VPS8: variants seen among roughly 807,000 people sequenced by gnomAD.
VPS8 encodes the protein vacuolar protein sorting-associated protein 8 homolog.
VPS8 carries 129 observed loss-of-function variants against 216.4 expected under a neutral mutation model. That is an observed-to-expected ratio of 0.60 (90% confidence interval 0.52 to 0.69). VPS8 has a LOEUF of 0.69. Among genes scored for constraint, VPS8 ranks in the 30% least tolerant of loss-of-function variants. The probability of loss-of-function intolerance (pLI) is 0.00; values close to 1 mark genes in which losing one functional copy is unlikely to be tolerated. For missense variants in VPS8, 1,531 were observed against 1,683.5 expected (o/e 0.91, Z 1.59); for synonymous variants, 571 against 565.4 (o/e 1.01, Z -0.14).
At chr3:184,814,483 A>T (rs1358068687) in intron 1 of VPS8, among the ~76,000 whole-genome samples, 1 of 152,220 alleles carries the variant, frequency 6.6e-6, no homozygotes, top group Non-Finnish European at 1.5e-5. Context: ...ACACACCTAG[A>T]CTATGTGGGA....
chr3:184,930,628 T>C lies in VPS8; in HGVS notation c.2898+60T>C. On this transcript the variant is annotated intron_variant, in intron 34 of 47. Transcript: ENST00000625842. ...GAACGATCATCTAACCCAAGTTAAC[T>C]TTATGCCAACGAAGCAATGGCATGT... 3.8e-6 allele frequency: 5 copies of C among 1,302,188 alleles called. No homozygotes were observed. The Admixed American group carries it at 6.9e-5, about 18-fold the overall frequency. 80.7% of individuals were successfully genotyped at this position (1,302,188 alleles called of 1,614,324 possible).
intron 11 of VPS8, among the ~76,000 whole-genome samples, 195 bp downstream of exon 11, chr3:184,852,762 A>G (rs747642856): frequency 2.0e-5 from 3 of 152,176 alleles, no homozygotes; most frequent in Non-Finnish European, 2.9e-5. Context: ...GTTTTATCTC[A>G]GTAGGTCTGA....
In VPS8 at chr3:184,916,149, G is replaced by A. The variant is rs1052701054; in HGVS notation, c.2382+675G>A. On this transcript the variant is annotated intron_variant, in intron 28 of 47. Transcript: ENST00000625842. ...GGTAGTGATGATAGTAAAAATAGCTGGAGTCGAAATGGAACGCGGAAGCTT... is the reference window on the plus strand; with the variant it reads ...GGTAGTGATGATAGTAAAAATAGCTAGAGTCGAAATGGAACGCGGAAGCTT... Among the ~76,000 whole-genome samples, 4 of 152,142 alleles carry A rather than the reference G, an allele frequency of 2.6e-5. 1 individual carries two copies. Among genetic ancestry groups the A allele is most frequent in the Non-Finnish European group, 5.9e-5 (4 of 68,038 alleles).
chr3:184,904,079 T>C (rs901403013), intron 25 of VPS8, among the ~76,000 whole-genome samples: 1 of 152,218 alleles, frequency 6.6e-6, no homozygotes, highest in African/African-American at 2.4e-5. Context: ...TTTTGTATAT[T>C]GATCTTGTAT....
chr3:185,027,000 C>A (rs1379886746), intron 46 of VPS8, among the ~76,000 whole-genome samples: 2 of 151,970 alleles, frequency 1.3e-5, no homozygotes, highest in Non-Finnish European at 2.9e-5. Flanking sequence ...TGAGCCACCA[C>A]GCCCAGCCAG....
Position 185,005,937 on chromosome 3 carries a change from G to C in VPS8, c.4002+6076G>C, listed in dbSNP as rs552850885. ...TGGCCAGGACTTCCAGTACTATGTT[G>C]AATAAATGAAAGTGGGCATCCTTGT... On this transcript the variant is annotated intron_variant, in intron 45 of 47. Coordinates refer to ENST00000625842, the MANE Select transcript of VPS8 (RefSeq NM_001009921.3). 8.5e-5 allele frequency among the ~76,000 whole-genome samples: 13 copies of C among 152,132 alleles called. 2 individuals are homozygous for C. The South Asian group carries it at 2.7e-3, about 32-fold the overall frequency.
chr3:184,984,502 A>G (rs531049251), intron 42 of VPS8, among the ~76,000 whole-genome samples: 1 of 151,976 alleles, frequency 6.6e-6, no homozygotes, highest in Non-Finnish European at 1.5e-5. Context: ...CATGTTGGTC[A>G]GGCTGGTCTC....
At chr3:184,906,261 T>G (rs1378803660) in intron 25 of VPS8, among the ~76,000 whole-genome samples, 1 of 151,972 alleles carries the variant, frequency 6.6e-6, no homozygotes, top group African/African-American at 2.4e-5. Flanking sequence ...TGATTTCTAC[T>G]TTTTTTTGTG....
intron 47 of VPS8, among the ~76,000 whole-genome samples, chr3:185,049,047 C>T (rs983800467): frequency 6.6e-6 from 1 of 152,222 alleles, no homozygotes; most frequent in Non-Finnish European, 1.5e-5. Context: ...TTTCTTCTGT[C>T]CTGTTGCTCT....
chr3:184,839,374 A>AT, intron 6 of VPS8: 1 of 278,608 alleles, frequency 3.6e-6, no homozygotes, highest in South Asian at 5.0e-5. Context: ...GTTGGGTAGC[A>AT]TAAGTGCCTC....
chr3:185,019,106 A>C (rs564905224), intron 45 of VPS8, among the ~76,000 whole-genome samples: 2 of 152,178 alleles, frequency 1.3e-5, no homozygotes, highest in African/African-American at 4.8e-5. Context: ...AAAAGGTTCC[A>C]AGGTGGAACA....
intron 30 of VPS8, among the ~76,000 whole-genome samples, chr3:184,925,772 A>ATTTT (rs769693262): frequency 3.0e-4 from 36 of 121,522 alleles, no homozygotes; most frequent in African/African-American, 1.1e-3. Flanking sequence ...TTCTCTCTCT[A>ATTTT]TTTTTTTTTT....
At chr3:184,922,017 C>T (rs1170584856) in intron 29 of VPS8, among the ~76,000 whole-genome samples, 2 of 152,184 alleles carry the variant, frequency 1.3e-5, no homozygotes, top group Non-Finnish European at 2.9e-5. Flanking sequence ...CTTCTGTCAT[C>T]CATCTCGTCA....
At chr3:184,952,784 A>G (rs962465333) in intron 36 of VPS8, among the ~76,000 whole-genome samples, 8 of 152,220 alleles carry the variant, frequency 5.3e-5, no homozygotes, top group Non-Finnish European at 1.0e-4. Flanking sequence ...CCCTCACTGC[A>G]TGTCCTCTGC....
Position 184,999,851 on chromosome 3 carries a change from C to A in VPS8, c.3992C>A (p.Thr1331Asn). The A allele has an allele frequency of 1.9e-6, 3 of 1,609,250 alleles. No homozygotes were observed. Among genetic ancestry groups the A allele is most frequent in the Admixed American group, 1.7e-5 (1 of 59,134 alleles). The change falls in exon 45 of 48, where the codon ACC becomes AAC. Residue 1331 changes from threonine to asparagine, a missense_variant. Transcript: ENST00000625842. The part of the protein sequence containing the change: ...NSSEIKKGRI[T>N]PSQVKMSPSY... ...TCTGAAATTAAAAAGGGAAGGATAA[C>A]CCCATCACAGGTAAGACTTGTTTTC...
intron 45 of VPS8, among the ~76,000 whole-genome samples, chr3:185,011,000 A>G (rs908624740): frequency 2.0e-5 from 3 of 152,170 alleles, no homozygotes; most frequent in African/African-American, 7.2e-5. Flanking sequence ...CCCTATCTCA[A>G]AAAAACAAAA....
chr3:184,902,784 C>G (rs1021823594), intron 25 of VPS8, among the ~76,000 whole-genome samples: 1 of 150,342 alleles, frequency 6.7e-6, no homozygotes, highest in Non-Finnish European at 1.5e-5. Flanking sequence ...GAGCCGAGAT[C>G]GCGCCACTGT....
At chr3:184,871,329 G>A (rs1728317402) in intron 21 of VPS8, among the ~76,000 whole-genome samples, 1 of 151,916 alleles carries the variant, frequency 6.6e-6, no homozygotes, top group Non-Finnish European at 1.5e-5. Context: ...TATTATGCAG[G>A]TTTTACTTTC....
intron 45 of VPS8, among the ~76,000 whole-genome samples, chr3:185,008,795 AG>A (rs1013065301): frequency 1.2e-4 from 19 of 152,214 alleles, no homozygotes; most frequent in South Asian, 4.1e-4. Flanking sequence ...GCCAGGAATG[AG>A]GTTGAAGAGG....
Sources: gnomAD v4.1 joint callset for allele counts (sites outside exome capture counted in the v4.1 genomes callset) on GRCh38, gnomAD v4.1.1 for gene constraint, MANE v1.5 for transcripts, NCBI Gene and HGNC (gene_info 2026-07-23, HGNC 2026-07-21) for gene names.